Variants in PIK3C2A observed in about 807,000 individuals in gnomAD.
PIK3C2A encodes the protein phosphatidylinositol-4-phosphate 3-kinase catalytic subunit type 2 alpha, also known as phosphatidylinositol 4-phosphate 3-kinase C2 domain-containing subunit alpha.
In PIK3C2A, 97 loss-of-function variants were observed where a neutral mutation model predicts 204.5. That is an observed-to-expected ratio of 0.47 (90% CI 0.40 to 0.56). The LOEUF is 0.56. PIK3C2A is among the 20% of genes least tolerant of loss of function. The pLI is 0.00. For synonymous variants in PIK3C2A, 653 were observed against 664.4 expected, an observed-to-expected ratio of 0.98 and a Z score of 0.26; for missense variants, 1,735 against 1,969.2, an observed-to-expected ratio of 0.88 and a Z score of 2.25.
chr11:17,158,973 A>T (rs1052723985), intron 2 of PIK3C2A, among the ~76,000 whole-genome samples: 7 of 152,194 alleles, frequency 4.6e-5, no homozygotes, highest in African/African-American at 9.7e-5. Flanking sequence ...AGGGTAAAAA[A>T]TAGCTAGGCT....
At chr11:17,127,156 C>CA in intron 13 of PIK3C2A, among the ~76,000 whole-genome samples, 1 of 152,250 alleles carries the variant, frequency 6.6e-6, no homozygotes, top group East Asian at 1.9e-4. Flanking sequence ...GTAATCCCTT[C>CA]AACTGCCTTT....
At chr11:17,103,253 A>T (rs760557885) in intron 23 of PIK3C2A, among the ~76,000 whole-genome samples, 8 of 151,982 alleles carry the variant, frequency 5.3e-5, no homozygotes, top group Non-Finnish European at 7.4e-5. Flanking sequence ...TGTGTAAGGA[A>T]AATCAGCTTA....
intron 3 of PIK3C2A, among the ~76,000 whole-genome samples, chr11:17,153,077 C>G (rs1374241431): frequency 1.3e-5 from 2 of 152,040 alleles, no homozygotes; most frequent in Non-Finnish European, 2.9e-5. Flanking sequence ...GGTTTCTCAT[C>G]TTATCCTAAA....
Position 17,087,807 on chromosome 11 carries a change from A to G in PIK3C2A, c.*1931T>C, listed in dbSNP as rs1225249851. ...AGCAAATGGTGGTGCTTTGATCTGCATTTTAATTAACATTAAATAGACAAC... is the reference window on the plus strand; with the variant it reads ...AGCAAATGGTGGTGCTTTGATCTGCGTTTTAATTAACATTAAATAGACAAC... On this transcript the variant is annotated 3_prime_UTR_variant, in exon 33 of 33. Coordinates refer to ENST00000691414, the MANE Select transcript of PIK3C2A (RefSeq NM_002645.4). 1 of 99,366 alleles carries G rather than the reference A, an allele frequency of 1.0e-5. No homozygotes were observed. The highest frequency in any genetic ancestry group is 2.0e-5 in the Non-Finnish European group (1 of 48,808). The allele number at this position is 99,366 out of a possible 1,614,324, so 6.2% of individuals were successfully genotyped here. A position where few individuals can be genotyped will look rare whatever the true frequency, so the allele number is the denominator to read the frequency against.
intron 1 of PIK3C2A, among the ~76,000 whole-genome samples, chr11:17,178,943 A>G (rs1363117270): frequency 6.7e-6 from 1 of 148,904 alleles, no homozygotes; most frequent in African/African-American, 2.5e-5. Flanking sequence ...GTTAGCCAGG[A>G]TGGTCTCCAT....
At chr11:17,178,126 G>C (rs1489650696) in intron 1 of PIK3C2A, among the ~76,000 whole-genome samples, 1 of 133,052 alleles carries the variant, frequency 7.5e-6, no homozygotes, top group Non-Finnish European at 1.5e-5. Context: ...AAAAAAAATT[G>C]CATGTCACAT....
Position 17,119,955 on chromosome 11 carries a change from C to T in PIK3C2A, c.2677G>A (p.Ala893Thr), listed in dbSNP as rs776307161. Reference protein sequence around the residue: ...SSLGLSKEDKAFLWEKRYYCF... With the variant: ...SSLGLSKEDKTFLWEKRYYCF... ...TAATAACGTTTCTCCCATAAAAAAG[C>T]TTTATCTTCTTTAGAAAGTCTGCAT... Residue 893 changes from alanine (A) to threonine (T), a missense_variant, in exon 16 of 33, where the codon GCT (alanine) becomes ACT (threonine). Transcript: ENST00000691414. 1 of 1,555,904 alleles carries T rather than the reference C, an allele frequency of 6.4e-7. No individual in the cohort carries two copies. Among genetic ancestry groups the T allele is most frequent in the South Asian group, 1.1e-5 (1 of 87,604 alleles).
intron 1 of PIK3C2A, among the ~76,000 whole-genome samples, chr11:17,184,791 T>C (rs773506111): frequency 7.8e-4 from 119 of 152,062 alleles, no homozygotes; most frequent in Admixed American, 1.5e-3. Context: ...GTTTAAAAAA[T>C]AATTAGCCGA....
At position 17,101,222 on chromosome 11, in the gene PIK3C2A, T is replaced by C. The variant is rs1848613154; in HGVS notation, c.4008+56A>G. On this transcript the variant is annotated intron_variant, in intron 25 of 32. Transcript: ENST00000691414. ...ATCACAAAATAATCTTTTTTAAGTA[T>C]TGAAACATAGATGCATTAATATAAA... 11 of 995,372 alleles carry C rather than the reference T, an allele frequency of 1.1e-5. No individual in the cohort carries two copies. In the South Asian group the frequency reaches 1.3e-4, roughly 12 times the overall value. The allele number at this position is 995,372 out of a possible 1,614,324, so 61.7% of individuals were successfully genotyped here.
At chr11:17,131,847 G>C in intron 12 of PIK3C2A, 69 bp downstream of exon 12, 1 of 1,212,894 alleles carries the variant, frequency 8.2e-7, no homozygotes, top group Admixed American at 2.3e-5. Flanking sequence ...TTAAAGCTAG[G>C]ATGCATACAT....
At chr11:17,112,516 T>C in intron 21 of PIK3C2A, 58 bp downstream of exon 21, 1 of 766,120 alleles carries the variant, frequency 1.3e-6, no homozygotes, top group Non-Finnish European at 2.2e-6. Flanking sequence ...TTTGGGAAAG[T>C]AATTTGATAA....
At chr11:17,167,763 G>T (rs1186515904) in intron 2 of PIK3C2A, among the ~76,000 whole-genome samples, 1 of 152,188 alleles carries the variant, frequency 6.6e-6, no homozygotes, top group Non-Finnish European at 1.5e-5. Context: ...CTAATTAGCT[G>T]AATATTAATT....
intron 8 of PIK3C2A, among the ~76,000 whole-genome samples, chr11:17,137,342 C>T (rs1365881619): frequency 1.3e-5 from 2 of 152,020 alleles, no homozygotes; most frequent in African/African-American, 4.8e-5. Context: ...CTTCCTGCTT[C>T]CTTTTACTTC....
At chr11:17,108,912 A>C (rs1338782740) in intron 22 of PIK3C2A, among the ~76,000 whole-genome samples, 2 of 152,234 alleles carry the variant, frequency 1.3e-5, no homozygotes, top group Non-Finnish European at 2.9e-5. Context: ...ACTACTGGTA[A>C]GGGTGAAGAT....
chr11:17,120,837 T>A (rs2137344956), intron 15 of PIK3C2A, among the ~76,000 whole-genome samples: 1 of 152,238 alleles, frequency 6.6e-6, no homozygotes, highest in South Asian at 2.1e-4. Flanking sequence ...TGAGATGGAG[T>A]CTCGCTCTGT....
intron 30 of PIK3C2A, 57 bp from the exon 31 acceptor site, chr11:17,091,713 T>C: frequency 8.5e-7 from 1 of 1,181,618 alleles, no homozygotes; most frequent in Non-Finnish European, 1.2e-6. Context: ...CAAGCTGCAA[T>C]AAAAGGATTT....
chr11:17,156,944 A>G (rs1198214728), intron 2 of PIK3C2A, among the ~76,000 whole-genome samples: 1 of 152,142 alleles, frequency 6.6e-6, no homozygotes, highest in Non-Finnish European at 1.5e-5. Context: ...GTTCGAGGCC[A>G]GCCCAAGCAA....
chr11:17,178,041 C>T (rs184164837), intron 1 of PIK3C2A, among the ~76,000 whole-genome samples: 23 of 131,330 alleles, frequency 1.8e-4, no homozygotes, highest in African/African-American at 7.0e-4. Context: ...TGCAGTGAGC[C>T]GAGATCATGC....
At chr11:17,102,905 T>G (rs1354110764) in intron 23 of PIK3C2A, 74 bp from the exon 24 acceptor site, 4 of 927,794 alleles carry the variant, frequency 4.3e-6, no homozygotes, top group Non-Finnish European at 6.5e-6. Flanking sequence ...AATAGTAAAG[T>G]AATTTATCAC....
Sources: allele counts gnomAD v4.1 joint callset (sites outside exome capture counted in the v4.1 genomes callset), GRCh38; gene constraint gnomAD v4.1.1; transcripts MANE v1.5; gene names NCBI Gene and HGNC (gene_info 2026-07-23, HGNC 2026-07-21).